KCNJ15: variants seen among roughly 807,000 people sequenced by gnomAD.
KCNJ15 encodes the protein potassium inwardly rectifying channel subfamily J member 15.
Under a neutral mutation model 23.0 loss-of-function variants are expected in KCNJ15, and 14 were observed. That is an observed-to-expected ratio of 0.61 (90% CI 0.40 to 0.95). The LOEUF (loss-of-function observed/expected upper bound fraction) is 0.95. Among genes scored for constraint, KCNJ15 ranks in the 40% least tolerant of loss-of-function variants. The pLI is 0.00. For missense variants in KCNJ15, 388 were observed against 461.8 expected (o/e 0.84, Z 1.46); for synonymous variants, 185 against 183.2 (o/e 1.01, Z -0.08).
chr21:38,288,447 C>T (rs2836290), intron 1 of KCNJ15, among the ~76,000 whole-genome samples: 100,917 of 151,912 alleles, frequency 0.66, 34,205 homozygotes, highest in South Asian at 0.75. Context: ...TTTACCTTTG[C>T]ATGCAGGTGA....
At chr21:38,276,953 A>C (rs1027073994) in intron 1 of KCNJ15, among the ~76,000 whole-genome samples, 34 of 152,020 alleles carry the variant, frequency 2.2e-4, no homozygotes, top group African/African-American at 7.7e-4. Context: ...TGACCACTTA[A>C]TTTTAGTAAA....
chr21:38,234,607 T>A (rs1415127757), intron 1 of KCNJ15, among the ~76,000 whole-genome samples: 2 of 152,236 alleles, frequency 1.3e-5, no homozygotes, highest in Non-Finnish European at 2.9e-5. Flanking sequence ...GAGCCTTTTA[T>A]GAACAGGACA....
At chr21:38,231,922 G>T (rs1302363457) in intron 1 of KCNJ15, among the ~76,000 whole-genome samples, 3 of 151,656 alleles carry the variant, frequency 2.0e-5, no homozygotes, top group Non-Finnish European at 4.4e-5. Context: ...TGTAGGTCTG[G>T]TTTTCTTGTG....
rs762357883 is a variant in KCNJ15 at position 38,299,658 on chromosome 21, C to T, written c.397C>T (p.Arg133Cys). ...CCAGACAACCATTGGCTATGGAGTC[C>T]GTTCCATCACAGAGGAATGTCCTCA... ...ESQTTIGYGV[R>C]SITEECPHAI... The change falls in exon 3 of 3, where the codon CGT (arginine) becomes TGT (cysteine). Residue 133 changes from arginine to cysteine, a missense_variant. Arg to Cys is a radical substitution (Grantham distance 180). Transcript: ENST00000398938. This position sits in a 1 kb window ranked among gnomAD's most constrained non-coding sequence, Gnocchi z 4.5. The T allele has an allele frequency of 3.7e-6, 6 of 1,614,016 alleles. No individual in the cohort carries two copies. In the South Asian group the frequency reaches 4.4e-5, roughly 12 times the overall value.
chr21:38,283,726 T>G (rs1218116511), intron 1 of KCNJ15, among the ~76,000 whole-genome samples: 1 of 152,088 alleles, frequency 6.6e-6, no homozygotes, highest in Non-Finnish European at 1.5e-5. Context: ...ACTGCCTCCC[T>G]CAAAAAAGTT....
Position 38,257,702 on chromosome 21 carries a change from T to C in KCNJ15, c.-117+517T>C, listed in dbSNP as rs16996039. On this transcript the variant is annotated intron_variant, in intron 1 of 2. Coordinates refer to ENST00000398938, the MANE Select transcript of KCNJ15 (RefSeq NM_170736.3). ...TTTTCTGTGGTAGGTGTAAGGAATG[T>C]AAACGATCCTGAGTTTGGAAATATT... Among the ~76,000 whole-genome samples, 1,409 of 152,370 alleles carry C rather than the reference T, an allele frequency of 9.2e-3. 24 individuals carry two copies. The highest frequency in any genetic ancestry group is 0.032 in the African/African-American group (1,327 of 41,592).
rs1290352562 is a variant in KCNJ15, at chr21:38,302,580, CTT to C, written c.*2194_*2195del. On this transcript the variant is annotated 3_prime_UTR_variant, in exon 3 of 3. Coordinates refer to ENST00000398938, the MANE Select transcript of KCNJ15 (RefSeq NM_170736.3). ...ATGTCAGTGTAGTTAGATATTATCTCTTTTAGTTATTATACTTGCTATTTTTA... is the reference window on the plus strand; with the variant it reads ...ATGTCAGTGTAGTTAGATATTATCTCTTAGTTATTATACTTGCTATTTTTA... 17 of 152,166 alleles carry C rather than the reference CTT, an allele frequency of 1.1e-4. No homozygotes were observed. Among genetic ancestry groups the C allele is most frequent in the African/African-American group, 3.6e-4 (15 of 41,524 alleles). The allele number at this position is 152,166 out of a possible 1,614,324, so 9.4% of individuals were successfully genotyped here.
intron 1 of KCNJ15, among the ~76,000 whole-genome samples, chr21:38,268,661 C>T (rs187960738): frequency 2.7e-5 from 4 of 150,480 alleles, no homozygotes; most frequent in East Asian, 3.9e-4. Context: ...ATGAGAGAGG[C>T]GGCCTGGTCT....
rs1433998084 is a variant in KCNJ15 at position 38,304,982 on chromosome 21, A to T, written c.*4593A>T. ...GTAATCCCAGCTACTCAGGAGACTGAGGCAGGAGATTCGCTTGAACCCGGG... is the reference window on the plus strand; with the variant it reads ...GTAATCCCAGCTACTCAGGAGACTGTGGCAGGAGATTCGCTTGAACCCGGG... On this transcript the variant is annotated 3_prime_UTR_variant, in exon 3 of 3. Coordinates refer to ENST00000398938, the MANE Select transcript of KCNJ15 (RefSeq NM_170736.3). 1.4e-5 allele frequency: 2 copies of T among 147,054 alleles called. No individual in the cohort carries two copies. Among genetic ancestry groups the T allele is most frequent in the Non-Finnish European group, 1.5e-5 (1 of 67,156 alleles). 9.1% of individuals were successfully genotyped at this position (147,054 alleles called of 1,614,324 possible). A position where few individuals can be genotyped will look rare whatever the true frequency, so the allele number is the denominator to read the frequency against.
intron 1 of KCNJ15, among the ~76,000 whole-genome samples, chr21:38,243,795 T>A (rs563097841): frequency 6.6e-6 from 1 of 152,168 alleles, no homozygotes; most frequent in South Asian, 2.1e-4. Flanking sequence ...TGTGAACAAA[T>A]GGGCATGGCT....
At chr21:38,264,078 A>G (rs1246116331) in intron 1 of KCNJ15, among the ~76,000 whole-genome samples, 1 of 152,226 alleles carries the variant, frequency 6.6e-6, no homozygotes, top group Non-Finnish European at 1.5e-5. Flanking sequence ...AACATTAAAT[A>G]TAGATCTTAA....
intron 1 of KCNJ15, among the ~76,000 whole-genome samples, chr21:38,293,074 T>A (rs1204127478): frequency 6.6e-6 from 1 of 152,134 alleles, no homozygotes; most frequent in East Asian, 1.9e-4. Context: ...TATGTATTAA[T>A]CGTGAAAATG....
chr21:38,255,167 A>G (rs1980107462), upstream of KCNJ15, among the ~76,000 whole-genome samples: 1 of 152,222 alleles, frequency 6.6e-6, no homozygotes, highest in African/African-American at 2.4e-5. Context: ...GATCAGGACC[A>G]GATCAGATAA....
At chr21:38,256,251 A>C (rs914611964), upstream of KCNJ15, among the ~76,000 whole-genome samples, 1 of 151,776 alleles carries the variant, frequency 6.6e-6, no homozygotes, top group Non-Finnish European at 1.5e-5. Flanking sequence ...ACCATTTCTC[A>C]TAAAGATGCC....
intron 1 of KCNJ15, among the ~76,000 whole-genome samples, chr21:38,286,207 C>CA (rs1389798803): frequency 1.3e-5 from 2 of 152,180 alleles, no homozygotes; most frequent in African/African-American, 2.4e-5. Flanking sequence ...CATGCCACTG[C>CA]ACTCCAGCCC....
At position 38,305,288 on chromosome 21, in the gene KCNJ15, T is replaced by C. The variant is rs946174135; in HGVS notation, c.*4899T>C. 5.9e-5 allele frequency: 9 copies of C among 152,138 alleles called. No individual in the cohort carries two copies. Among genetic ancestry groups the C allele is most frequent in the African/African-American group, 2.2e-4 (9 of 41,414 alleles). 9.4% of individuals were successfully genotyped at this position (152,138 alleles called of 1,614,324 possible). ...TCAAATAGATTGGTGGGTTAAAAAA[T>C]AATCAATTCAAATTCAAATTAGGAA... On this transcript the variant is annotated 3_prime_UTR_variant, in exon 3 of 3. Coordinates refer to ENST00000398938, the MANE Select transcript of KCNJ15 (RefSeq NM_170736.3).
At chr21:38,290,240 G>A (rs989337608) in intron 1 of KCNJ15, among the ~76,000 whole-genome samples, 1 of 152,152 alleles carries the variant, frequency 6.6e-6, no homozygotes, top group Non-Finnish European at 1.5e-5. Context: ...GTTTAAACTT[G>A]TCTTTGTCGA....
chr21:38,250,183 A>G (rs922685504), intron 1 of KCNJ15, among the ~76,000 whole-genome samples: 1 of 152,200 alleles, frequency 6.6e-6, no homozygotes, highest in Admixed American at 6.5e-5. Flanking sequence ...TGAAAAACCT[A>G]GTTGTTTACC....
chr21:38,238,570 A>T (rs901091861), intron 1 of KCNJ15: 8 of 627,112 alleles, frequency 1.3e-5, no homozygotes, highest in Non-Finnish European at 2.1e-5. Flanking sequence ...GAAGGCAGTC[A>T]CTAGGCACAC....
Sources: gnomAD v4.1 joint callset for allele counts (sites outside exome capture counted in the v4.1 genomes callset) on GRCh38, gnomAD v4.1.1 for gene constraint, Gnocchi (gnomAD v3.1) non-coding constraint, MANE v1.5 for transcripts, NCBI Gene and HGNC (gene_info 2026-07-23, HGNC 2026-07-21) for gene names.